Variants in ANK3 observed in about 807,000 individuals in gnomAD.
ANK3 encodes ankyrin 3.
ANK3 carries 57 observed loss-of-function variants against 370.9 expected under a neutral mutation model. The observed-to-expected ratio is 0.15, with a 90% CI of 0.12 to 0.19. The LOEUF is 0.19. Ranked by LOEUF, ANK3 falls within the 10% of genes least tolerant of loss-of-function variation. The pLI, the probability that ANK3 is intolerant of heterozygous loss-of-function variation, is 1.00. For synonymous variants in ANK3, 1,929 were observed against 1,946.3 expected (o/e 0.99, Z 0.23); for missense variants, 4,439 against 5,302.1 (o/e 0.84, Z 5.06).
rs568976258 is a variant in ANK3, at chr10:60,093,911, T to C, written c.3329-5553A>G. Among the ~76,000 whole-genome samples the C allele has an allele frequency of 4.6e-5, 7 of 152,340 alleles. No individual in the cohort carries two copies. In the East Asian group the frequency reaches 1.2e-3, roughly 25 times the overall value. On this transcript the variant is annotated intron_variant, in intron 28 of 43. Transcript: ENST00000280772. ...CCAGCAGCTCAGGGACCCTCTGTGT[T>C]GTGTTCATTTTTTTTCAAAGCTTTT...
chr10:60,669,027 C>T (rs1269989554), intron 1 of ANK3, among the ~76,000 whole-genome samples: 1 of 152,052 alleles, frequency 6.6e-6, no homozygotes, highest in African/African-American at 2.4e-5. Context: ...CAAGAATTGA[C>T]ACTGTGACAG....
intron 1 of ANK3, among the ~76,000 whole-genome samples, chr10:60,675,854 C>T (rs1313619678): frequency 2.6e-5 from 4 of 152,028 alleles, no homozygotes; most frequent in African/African-American, 4.8e-5. Context: ...GTCAATTCAC[C>T]GTCACACTTC....
At chr10:60,624,513 T>A (rs2078381652) in intron 1 of ANK3, among the ~76,000 whole-genome samples, 1 of 152,150 alleles carries the variant, frequency 6.6e-6, no homozygotes, top group Non-Finnish European at 1.5e-5. Flanking sequence ...GAATCTGTAT[T>A]CTTTTGCTCT....
intron 1 of ANK3, among the ~76,000 whole-genome samples, chr10:60,716,544 T>G (rs1467474413): frequency 6.6e-6 from 1 of 152,108 alleles, no homozygotes; most frequent in Non-Finnish European, 1.5e-5. Context: ...TAAGAAAAAT[T>G]TTTTTGTCAC....
chr10:60,455,536 C>G (rs2064724835), intron 2 of ANK3, among the ~76,000 whole-genome samples: 1 of 152,096 alleles, frequency 6.6e-6, no homozygotes, highest in Admixed American at 6.6e-5. Context: ...CACCTTAAAA[C>G]TATTATATGT....
intron 1 of ANK3, among the ~76,000 whole-genome samples, chr10:60,367,736 T>G (rs959751554): frequency 4.6e-5 from 7 of 152,218 alleles, no homozygotes; most frequent in East Asian, 1.9e-4. Context: ...GCACTGCAGA[T>G]CTTTCTGACC....
intron 1 of ANK3, among the ~76,000 whole-genome samples, chr10:60,352,428 G>A (rs961319127): frequency 1.3e-5 from 2 of 152,128 alleles, no homozygotes; most frequent in African/African-American, 4.8e-5. Context: ...TCCTGAACAC[G>A]CTATGGGACT....
At chr10:60,051,979 A>G (rs1308724238) in intron 42 of ANK3, among the ~76,000 whole-genome samples, 1 of 152,156 alleles carries the variant, frequency 6.6e-6, no homozygotes, top group African/African-American at 2.4e-5. Context: ...CATTTGATCT[A>G]CAGAAAGAGG....
chr10:60,407,981 G>A (rs930974658), intron 2 of ANK3, among the ~76,000 whole-genome samples: 4 of 119,450 alleles, frequency 3.3e-5, no homozygotes, highest in Non-Finnish European at 5.8e-5. Context: ...GTGGATAACC[G>A]ATGATAACTT....
At chr10:60,237,879 TAAAG>T (rs756867365) in intron 7 of ANK3, among the ~76,000 whole-genome samples, 49 of 152,156 alleles carry the variant, frequency 3.2e-4, no homozygotes, top group Non-Finnish European at 5.3e-4. Context: ...CCCTATTGGA[TAAAG>T]AAAGTGAGGC....
intron 2 of ANK3, among the ~76,000 whole-genome samples, chr10:60,494,025 A>G (rs1342129713): frequency 1.3e-5 from 2 of 152,164 alleles, no homozygotes; most frequent in Non-Finnish European, 1.5e-5. Flanking sequence ...AAGGCCAAAG[A>G]TAAGTATGGT....
intron 43 of ANK3, among the ~76,000 whole-genome samples, chr10:60,041,868 G>C (rs1387232850): frequency 6.6e-6 from 1 of 152,156 alleles, no homozygotes; most frequent in Non-Finnish European, 1.5e-5. Flanking sequence ...TGGCAAGCAG[G>C]GAACAGCAGA....
intron 2 of ANK3, among the ~76,000 whole-genome samples, chr10:60,510,674 G>T (rs1234855658): frequency 6.6e-6 from 1 of 152,058 alleles, no homozygotes; most frequent in East Asian, 1.9e-4. Flanking sequence ...AAAAAATTCA[G>T]CCAGCCATGG....
chr10:60,356,204 C>A (rs571248811), intron 1 of ANK3, among the ~76,000 whole-genome samples: 47 of 152,324 alleles, frequency 3.1e-4, no homozygotes, highest in African/African-American at 1.1e-3. Context: ...TCTTCACACA[C>A]TTCCCTGAGA....
chr10:60,097,259 C>T (rs942355342), intron 28 of ANK3, among the ~76,000 whole-genome samples: 2 of 152,194 alleles, frequency 1.3e-5, no homozygotes, highest in African/African-American at 2.4e-5. Context: ...GATGAAGTCA[C>T]ACAGACATGG....
chr10:60,184,399 G>C (rs1249960822), intron 17 of ANK3, among the ~76,000 whole-genome samples: 1 of 152,182 alleles, frequency 6.6e-6, no homozygotes, highest in African/African-American at 2.4e-5. Flanking sequence ...AACGACAACG[G>C]AGAAAGGATG....
intron 1 of ANK3, among the ~76,000 whole-genome samples, chr10:60,692,273 C>T (rs777545262): frequency 6.6e-5 from 10 of 152,160 alleles, no homozygotes; most frequent in South Asian, 4.1e-4. Flanking sequence ...GGAGCTCTGC[C>T]TCTGCTGACA....
chr10:60,513,545 G>C (rs1359197393), intron 2 of ANK3, among the ~76,000 whole-genome samples: 1 of 152,040 alleles, frequency 6.6e-6, no homozygotes, highest in Non-Finnish European at 1.5e-5. Flanking sequence ...GGTTAGAATA[G>C]GTGGTTAGTG....
At chr10:60,367,024 C>T (rs1566875835) in intron 1 of ANK3, among the ~76,000 whole-genome samples, 1 of 152,162 alleles carries the variant, frequency 6.6e-6, no homozygotes, top group Non-Finnish European at 1.5e-5. Context: ...AATATATATC[C>T]TCCTTTCCCA....
Sources: allele counts gnomAD v4.1 joint callset (sites outside exome capture counted in the v4.1 genomes callset), GRCh38; gene constraint gnomAD v4.1.1; transcripts MANE v1.5; gene names NCBI Gene and HGNC (gene_info 2026-07-23, HGNC 2026-07-21).